Variants in COL4A3 observed in about 807,000 individuals in gnomAD.
COL4A3 encodes the protein collagen type IV alpha 3 chain.
In COL4A3, 135 loss-of-function variants were observed where a neutral mutation model predicts 217.4. That is an observed-to-expected ratio of 0.62 (90% CI 0.54 to 0.72). The LOEUF is 0.72. Ranked by LOEUF, COL4A3 falls within the 30% of genes least tolerant of loss-of-function variation. The pLI is 0.00. For missense variants in COL4A3, 1,868 were observed against 2,119.9 expected (o/e 0.88, Z 2.33); for synonymous variants, 690 against 736.3 (o/e 0.94, Z 1.02).
chr2:227,165,647 G>A (rs1158658718), intron 1 of COL4A3, among the ~76,000 whole-genome samples: 1 of 152,170 alleles, frequency 6.6e-6, no homozygotes, highest in East Asian at 1.9e-4. Flanking sequence ...GGGTGATAAC[G>A]TGGCATAGGA....
At chr2:227,280,770 TTAA>T in intron 30 of COL4A3, 120 bp from the exon 31 acceptor site, 1 of 1,004,980 alleles carries the variant, frequency 1.0e-6, no homozygotes, top group Non-Finnish European at 1.5e-6. Context: ...AAAAGGCATA[TTAA>T]TGGCAGTAAA....
intron 11 of COL4A3, among the ~76,000 whole-genome samples, chr2:227,252,148 AG>A (rs1180700696): frequency 6.6e-6 from 1 of 150,570 alleles, no homozygotes; most frequent in Non-Finnish European, 1.5e-5. Context: ...GAGCCCCAAC[AG>A]GAAATTGGTC....
At position 227,246,888 on chromosome 2, in the gene COL4A3, G is replaced by T. The variant is rs10168567; in HGVS notation, c.441+150G>T. ...TTCAACTAATAGTTAGGGAATGGATGAATACATGCATTATGAGTGTAGGAT... is the reference window on the plus strand; with the variant it reads ...TTCAACTAATAGTTAGGGAATGGATTAATACATGCATTATGAGTGTAGGAT... On this transcript the variant is annotated intron_variant, in intron 7 of 51. Transcript: ENST00000396578. 0.82 allele frequency: 631,152 copies of T among 773,232 alleles called. 260,233 individuals carry two copies. Among genetic ancestry groups the T allele is most frequent in the East Asian group, 0.89 (35,782 of 40,246 alleles). The allele number at this position is 773,232 out of a possible 1,614,324, so 47.9% of individuals were successfully genotyped here.
At position 227,312,011 on chromosome 2, in the gene COL4A3, C is replaced by G. The variant is rs868756437; in HGVS notation, c.*141C>G. 1.4e-6 allele frequency: 2 copies of G among 1,438,574 alleles called. No homozygotes were observed. The highest frequency in any genetic ancestry group is 1.3e-5 in the South Asian group (1 of 79,444). 89.1% of individuals were successfully genotyped at this position (1,438,574 alleles called of 1,614,324 possible). A position where few individuals can be genotyped will look rare whatever the true frequency, so the allele number is the denominator to read the frequency against. On this transcript the variant is annotated 3_prime_UTR_variant, in exon 52 of 52. Transcript: ENST00000396578. ...AGTACAAAGTTTCAATTTGTTTCCC[C>G]ACAAAACAAAGCAATTCTTTCAAGT...
chr2:227,204,523 C>T (rs956190036), intron 1 of COL4A3, among the ~76,000 whole-genome samples: 16 of 152,160 alleles, frequency 1.1e-4, no homozygotes, highest in Non-Finnish European at 4.4e-5. Context: ...CGAAGGGACC[C>T]GTGCAAATGA....
At chr2:227,230,680 AATTC>A (rs2068354930) in intron 1 of COL4A3, among the ~76,000 whole-genome samples, 2 of 152,346 alleles carry the variant, frequency 1.3e-5, no homozygotes, top group African/African-American at 4.8e-5. Flanking sequence ...TAAATTAAAT[AATTC>A]ATTTGAATTT....
chr2:227,284,688 A>C (rs1258684773), intron 34 of COL4A3, among the ~76,000 whole-genome samples: 2 of 152,228 alleles, frequency 1.3e-5, no homozygotes, highest in Non-Finnish European at 2.9e-5. Flanking sequence ...CACATTAAAA[A>C]ACTTTTCTGG....
intron 37 of COL4A3, 46 bp from the exon 38 acceptor site, chr2:227,293,145 T>A (rs1473721809): frequency 1.2e-6 from 2 of 1,612,284 alleles, no homozygotes; most frequent in East Asian, 2.2e-5. Context: ...TCTTACCACA[T>A]ATCCTGCTTA....
chr2:227,256,095 A>G (rs1448675174), intron 16 of COL4A3, 25 bp downstream of exon 16: 1 of 1,608,790 alleles, frequency 6.2e-7, no homozygotes, highest in Non-Finnish European at 8.5e-7. Flanking sequence ...TGGCCTATGG[A>G]GGTAGTAAAA....
At chr2:227,166,584 C>T (rs1049169274) in intron 1 of COL4A3, among the ~76,000 whole-genome samples, 7 of 152,282 alleles carry the variant, frequency 4.6e-5, no homozygotes, top group African/African-American at 1.7e-4. Flanking sequence ...GTTATTTTTA[C>T]ATGTAAACTT....
At chr2:227,217,280 C>T (rs2067561176) in intron 1 of COL4A3, among the ~76,000 whole-genome samples, 1 of 152,190 alleles carries the variant, frequency 6.6e-6, no homozygotes, top group African/African-American at 2.4e-5. Flanking sequence ...TCTCCCACAA[C>T]ATGTGGGAAT....
chr2:227,256,607 G>T, intron 17 of COL4A3: 1 of 734,038 alleles, frequency 1.4e-6, no homozygotes, highest in Non-Finnish European at 2.5e-6. Flanking sequence ...AACTTGTACT[G>T]TGTACTTGAA....
chr2:227,170,937 C>A (rs2125637177), intron 1 of COL4A3, among the ~76,000 whole-genome samples: 1 of 152,242 alleles, frequency 6.6e-6, no homozygotes, highest in East Asian at 1.9e-4. Context: ...GTCACGGTAG[C>A]AAATTAATTT....
At chr2:227,184,535 A>G (rs570824364) in intron 1 of COL4A3, among the ~76,000 whole-genome samples, 8 of 152,332 alleles carry the variant, frequency 5.3e-5, no homozygotes, top group African/African-American at 1.9e-4. Flanking sequence ...ACCAAGAAAG[A>G]TCTGGTCAAT....
intron 47 of COL4A3, among the ~76,000 whole-genome samples, chr2:227,306,479 G>A (rs1203397480): frequency 1.3e-5 from 2 of 152,088 alleles, no homozygotes; most frequent in Non-Finnish European, 2.9e-5. Flanking sequence ...CTCTGAATGA[G>A]GGCAGGGGTT....
chr2:227,253,581 AC>A lies in COL4A3; in HGVS notation c.713del (p.Pro238ArgfsTer9), dbSNP rs988439345. ...TTTAGGGTGTGAAAGGGTTAACAGG[AC>A]CCCCGGGACCACCAGGAACAGTTAT... ...GERGVKGLTGPPGPPGTVIVT... is the reference protein window; with the variant it reads ...GERGVKGLTGXPGPPGTVIVT... On this transcript the variant is annotated frameshift_variant, in exon 13 of 52. Transcript: ENST00000396578. LOFTEE classifies it high-confidence loss of function. The surrounding 1 kb of genome is among the most constrained non-coding windows in gnomAD (Gnocchi z 4.4). 2.5e-5 allele frequency: 40 copies of A among 1,613,768 alleles called. No individual in the cohort carries two copies. Among genetic ancestry groups the A allele is most frequent in the Non-Finnish European group, 3.4e-5 (40 of 1,179,910 alleles).
intron 15 of COL4A3, among the ~76,000 whole-genome samples, chr2:227,255,037 C>A (rs151278436): frequency 5.1e-4 from 78 of 152,294 alleles, no homozygotes; most frequent in Non-Finnish European, 8.2e-4. Flanking sequence ...AGCTACCCTG[C>A]AGCAGACAAC....
At chr2:227,204,246 T>G (rs1171048151) in intron 1 of COL4A3, among the ~76,000 whole-genome samples, 1 of 152,166 alleles carries the variant, frequency 6.6e-6, no homozygotes, top group Non-Finnish European at 1.5e-5. Context: ...ATTAAATAAG[T>G]TATTAGAAAT....
Position 227,284,302 on chromosome 2 carries a change from G to T in COL4A3, c.2838G>T (p.Glu946Asp). Residue 946 changes from glutamate to aspartate, a missense_variant, in exon 34 of 52, where the codon GAG (glutamate) becomes GAT (aspartate). This residue lies in a region of COL4A3 where 1,503 missense variants were observed against 1,786.1 expected (regional missense o/e 0.84). Transcript: ENST00000396578. ...QGDKGNPGPS[E>D]ISHVIGDKGE... ...ATAAAGGAAATCCCGGGCCTTCAGA[G>T]ATATCCCACGTAATAGGGGACAAAG... The T allele has an allele frequency of 6.2e-7, 1 of 1,614,068 alleles. No individual in the cohort carries two copies. The highest frequency in any genetic ancestry group is 8.5e-7 in the Non-Finnish European group (1 of 1,179,998).
Sources: allele counts gnomAD v4.1 joint callset (sites outside exome capture counted in the v4.1 genomes callset), GRCh38; gene constraint gnomAD v4.1.1; regional missense constraint gnomAD v4.1.1; non-coding constraint Gnocchi (gnomAD v3.1); transcripts MANE v1.5; gene names NCBI Gene and HGNC (gene_info 2026-07-23, HGNC 2026-07-21).